Variants in WHAMM observed in about 807,000 individuals in gnomAD.
WHAMM encodes WASP homolog associated with actin, golgi membranes and microtubules, also known as WASP homolog-associated protein with actin, membranes and microtubules.
A neutral mutation model predicts 76.5 loss-of-function variants in WHAMM; 67 were observed. The ratio of observed to expected loss-of-function variants is 0.88; its 90% CI spans 0.72 to 1.07. The LOEUF is 1.07. WHAMM is among the 50% of genes least tolerant of loss of function. The pLI is 0.00. For missense variants in WHAMM, 1,021 were observed against 1,051.1 expected (o/e 0.97, Z 0.40); for synonymous variants, 419 against 422.1 (o/e 0.99, Z 0.09).
At chr15:82,827,011 A>AAT (rs1288249877) in intron 8 of WHAMM, among the ~76,000 whole-genome samples, 165 bp downstream of exon 8, 1 of 152,214 alleles carries the variant, frequency 6.6e-6, no homozygotes, top group East Asian at 1.9e-4. Flanking sequence ...ACAAAAATAG[A>AAT]ATATCAGTGA....
intron 4 of WHAMM, among the ~76,000 whole-genome samples, chr15:82,819,083 G>T (rs967765164): frequency 2.0e-5 from 3 of 152,170 alleles, no homozygotes; most frequent in Admixed American, 2.0e-4. Flanking sequence ...ACACCAATAT[G>T]CAGTACATAA....
chr15:82,811,292 C>T (rs2050624054), intron 1 of WHAMM, among the ~76,000 whole-genome samples: 1 of 151,954 alleles, frequency 6.6e-6, no homozygotes, highest in African/African-American at 2.4e-5. Context: ...AGTTTCAGGC[C>T]AGTCAGCGTT....
At chr15:82,810,920 T>C (rs1158312478) in intron 1 of WHAMM, among the ~76,000 whole-genome samples, 2 of 152,060 alleles carry the variant, frequency 1.3e-5, no homozygotes, top group Non-Finnish European at 2.9e-5. Flanking sequence ...AGAGAGTAAT[T>C]ATTTGAGTGG....
chr15:82,829,381 C>T (rs1022550892), intron 8 of WHAMM, among the ~76,000 whole-genome samples: 8 of 152,218 alleles, frequency 5.3e-5, no homozygotes, highest in African/African-American at 1.9e-4. Context: ...CAGAGGGCAT[C>T]CTTGGGTGGT....
chr15:82,826,698 GA>G, intron 7 of WHAMM, 52 bp from the exon 8 acceptor site: 1 of 1,529,984 alleles, frequency 6.5e-7, no homozygotes, highest in Non-Finnish European at 8.8e-7. Context: ...TGTATGCCAA[GA>G]CATTTTTTGT....
chr15:82,832,821 A>C (rs2051052833), intron 9 of WHAMM, among the ~76,000 whole-genome samples: 1 of 152,220 alleles, frequency 6.6e-6, no homozygotes, highest in African/African-American at 2.4e-5. Flanking sequence ...TTAGCTGGAC[A>C]GGGTAATGAA....
At chr15:82,811,457 AT>A (rs2050627111) in intron 1 of WHAMM, among the ~76,000 whole-genome samples, 1 of 152,192 alleles carries the variant, frequency 6.6e-6, no homozygotes, top group African/African-American at 2.4e-5. Flanking sequence ...TTTATGATGT[AT>A]TTTACTGTAG....
intron 3 of WHAMM, among the ~76,000 whole-genome samples, chr15:82,817,163 T>A (rs911924672): frequency 6.6e-6 from 1 of 152,126 alleles, no homozygotes; most frequent in Non-Finnish European, 1.5e-5. Flanking sequence ...CTTGCCCCAA[T>A]ATCTGAAGGG....
intron 5 of WHAMM, 110 bp from the exon 6 acceptor site, chr15:82,822,987 GCTT>G (rs778384586): frequency 1.2e-4 from 103 of 864,350 alleles, no homozygotes; most frequent in African/African-American, 8.0e-4. Context: ...TGTTAATAGT[GCTT>G]CTCAGTGGTG....
At position 82,835,421 on chromosome 15, in the gene WHAMM, G is replaced by A. The variant is rs950908668; in HGVS notation, c.*1885G>A. ...TTACAGGCGTGAGCCACCACACCTGGCCTTCCAGTGTCTTAACTAACTGGT... is the reference window on the plus strand; with the variant it reads ...TTACAGGCGTGAGCCACCACACCTGACCTTCCAGTGTCTTAACTAACTGGT... On this transcript the variant is annotated 3_prime_UTR_variant, in exon 10 of 10. Transcript: ENST00000286760. 1 of 152,402 alleles carries A rather than the reference G, an allele frequency of 6.6e-6. No individual in the cohort carries two copies. 9.4% of individuals were successfully genotyped at this position (152,402 alleles called of 1,614,324 possible).
At chr15:82,817,838 G>C in intron 3 of WHAMM, 82 bp from the exon 4 acceptor site, 1 of 1,164,198 alleles carries the variant, frequency 8.6e-7, no homozygotes, top group Non-Finnish European at 1.1e-6. Flanking sequence ...TAGTATGGAG[G>C]CAATAAAAAA....
In WHAMM at chr15:82,831,098, G is replaced by A. The variant is rs1255274905; in HGVS notation, c.2122+19G>A. ...TGTCCAGGTAATCCACTGGAATTCT[G>A]TCCCTGCTCCCCATGAGTTGTTAAG... On this transcript the variant is annotated intron_variant, in intron 9 of 9. Coordinates refer to ENST00000286760, the MANE Select transcript of WHAMM (RefSeq NM_001080435.3). 1.9e-6 allele frequency: 3 copies of A among 1,597,036 alleles called. No individual in the cohort carries two copies. Among genetic ancestry groups the A allele is most frequent in the African/African-American group, 1.3e-5 (1 of 74,820 alleles).
intron 5 of WHAMM, among the ~76,000 whole-genome samples, chr15:82,821,929 T>C (rs1028024209): frequency 1.3e-5 from 2 of 152,224 alleles, no homozygotes; most frequent in African/African-American, 4.8e-5. Flanking sequence ...ACTTTTAGTT[T>C]AATCCTGAGT....
In WHAMM at chr15:82,830,826, A is replaced by G. The variant is rs780435662; in HGVS notation, c.1869A>G (p.Pro623=). 1 of 1,602,850 alleles carries G rather than the reference A, an allele frequency of 6.2e-7. No individual in the cohort carries two copies. The highest frequency in any genetic ancestry group is 8.5e-7 in the Non-Finnish European group (1 of 1,174,086). The part of the protein sequence containing the change: ...HGNIPVQVFV[P]VGDQTHSKSS... ...ATATCCCTGTCCAGGTTTTTGTTCC[A>G]GTTGGTGATCAAACACATTCCAAAT... The change falls in exon 9 of 10, where the codon CCA becomes CCG. Residue 623 remains proline, a synonymous_variant. Transcript: ENST00000286760.
chr15:82,827,300 C>CT (rs1013918195), intron 8 of WHAMM, among the ~76,000 whole-genome samples: 69 of 151,908 alleles, frequency 4.5e-4, no homozygotes, highest in African/African-American at 1.7e-3. Flanking sequence ...ATATCTACAA[C>CT]TTTCTTTTTT....
chr15:82,816,077 A>G (rs917792803), intron 2 of WHAMM, among the ~76,000 whole-genome samples: 1 of 152,116 alleles, frequency 6.6e-6, no homozygotes, highest in Non-Finnish European at 1.5e-5. Context: ...AGAAAGAGAG[A>G]TCCTGTGTCT....
intron 5 of WHAMM, 65 bp downstream of exon 5, chr15:82,819,553 A>G: frequency 1.2e-6 from 1 of 856,894 alleles, no homozygotes; most frequent in Non-Finnish European, 1.6e-6. Flanking sequence ...AGACCATATT[A>G]TCAATTACTT....
At chr15:82,822,112 T>C (rs919989618) in intron 5 of WHAMM, among the ~76,000 whole-genome samples, 1 of 152,196 alleles carries the variant, frequency 6.6e-6, no homozygotes, top group Non-Finnish European at 1.5e-5. Context: ...TTTCACTGTT[T>C]TATGTACTTC....
At chr15:82,830,544 C>G in intron 8 of WHAMM, 55 bp from the exon 9 acceptor site, 5 of 1,568,218 alleles carry the variant, frequency 3.2e-6, no homozygotes, top group Non-Finnish European at 4.3e-6. Context: ...AAAGTTTCAG[C>G]ATTTTGATGG....
Sources: gnomAD v4.1 joint callset for allele counts (sites outside exome capture counted in the v4.1 genomes callset) on GRCh38, gnomAD v4.1.1 for gene constraint, MANE v1.5 for transcripts, NCBI Gene and HGNC (gene_info 2026-07-23, HGNC 2026-07-21) for gene names.